The following SLCO1C1 variants were observed in gnomAD, a reference collection of about 807,000 sequenced individuals.
SLCO1C1 encodes the protein OAT-RP-5.
SLCO1C1 carries 70 observed loss-of-function variants against 76.4 expected under a neutral mutation model. That is an observed-to-expected ratio of 0.92 (90% CI 0.76 to 1.12). The LOEUF is 1.12. Among genes scored for constraint, SLCO1C1 ranks in the 50% most tolerant of loss-of-function variants. The pLI, the probability that SLCO1C1 is intolerant of heterozygous loss-of-function variation, is 0.00. For synonymous variants in SLCO1C1, 306 were observed against 286.1 expected, an observed-to-expected ratio of 1.07 and a Z score of -0.70; for missense variants, 912 against 823.8, an observed-to-expected ratio of 1.11 and a Z score of -1.31.
chr12:20,748,428 C>A (rs994288467), intron 13 of SLCO1C1, among the ~76,000 whole-genome samples: 1 of 152,112 alleles, frequency 6.6e-6, no homozygotes, highest in African/African-American at 2.4e-5. Flanking sequence ...CTCCCAAAGC[C>A]CTCAACTTGT....
chr12:20,749,326 T>G (rs1949185570), intron 13 of SLCO1C1, among the ~76,000 whole-genome samples: 1 of 152,168 alleles, frequency 6.6e-6, no homozygotes, highest in African/African-American at 2.4e-5. Context: ...ACGAGTGATG[T>G]AGGCAGAGAG....
intron 11 of SLCO1C1, among the ~76,000 whole-genome samples, chr12:20,739,119 AT>A (rs1003918018): frequency 2.6e-5 from 4 of 152,126 alleles, no homozygotes; most frequent in African/African-American, 9.7e-5. Context: ...CACCAGAATT[AT>A]TTTTTTCTCA....
intron 5 of SLCO1C1, 101 bp downstream of exon 5, chr12:20,711,611 G>C (rs1313656523): frequency 1.6e-6 from 2 of 1,257,914 alleles, no homozygotes; most frequent in African/African-American, 1.5e-5. Context: ...GCTCCCAAAA[G>C]CTTTACTACT....
At chr12:20,746,704 T>C (rs897570354) in intron 13 of SLCO1C1, among the ~76,000 whole-genome samples, 1 of 152,090 alleles carries the variant, frequency 6.6e-6, no homozygotes, top group Admixed American at 6.6e-5. Flanking sequence ...TCTAACAAGA[T>C]CTAACTACCA....
intron 13 of SLCO1C1, among the ~76,000 whole-genome samples, chr12:20,746,310 A>AT (rs1397901892): frequency 6.6e-6 from 1 of 152,180 alleles, no homozygotes; most frequent in Non-Finnish European, 1.5e-5. Flanking sequence ...AATTTGGAGA[A>AT]TATCAGGACA....
intron 11 of SLCO1C1, among the ~76,000 whole-genome samples, chr12:20,738,847 G>A (rs1245271780): frequency 6.6e-6 from 1 of 151,990 alleles, no homozygotes; most frequent in Non-Finnish European, 1.5e-5. Flanking sequence ...AGATACAAAG[G>A]ACTTGCTTAA....
intron 5 of SLCO1C1, 28 bp from the exon 6 acceptor site, chr12:20,715,111 C>T (rs370378623): frequency 8.7e-6 from 14 of 1,612,700 alleles, no homozygotes; most frequent in Non-Finnish European, 1.2e-5. Flanking sequence ...GATCTATTTT[C>T]AATCCTCTGG....
In SLCO1C1 at chr12:20,701,314, C is replaced by A; in HGVS notation, c.130-4C>A. On this transcript the variant is annotated splice_region_variant and splice_polypyrimidine_tract_variant and intron_variant, in intron 2 of 14. Coordinates refer to ENST00000266509, the MANE Select transcript of SLCO1C1 (RefSeq NM_017435.5). ...GACTAAGTGTGACCTGTCATATTTT[C>A]CAGGTGTTCTTGTGTGCCTTGTCTT... is the stretch of plus-strand genomic sequence containing the variant. 1.3e-6 allele frequency: 2 copies of A among 1,493,720 alleles called. No homozygotes were observed. The highest frequency in any genetic ancestry group is 1.8e-5 in the Admixed American group (1 of 54,230). 92.5% of individuals were successfully genotyped at this position (1,493,720 alleles called of 1,614,324 possible). A position where few individuals can be genotyped will look rare whatever the true frequency, so the allele number is the denominator to read the frequency against.
chr12:20,740,073 T>C, intron 11 of SLCO1C1, 111 bp from the exon 12 acceptor site: 2 of 1,051,814 alleles, frequency 1.9e-6, no homozygotes, highest in South Asian at 3.3e-5. Flanking sequence ...AAAAGAATAT[T>C]TCCTCATTGT....
chr12:20,704,698 G>A (rs185567154), intron 3 of SLCO1C1, among the ~76,000 whole-genome samples: 3 of 144,324 alleles, frequency 2.1e-5, no homozygotes, highest in Non-Finnish European at 3.0e-5. Flanking sequence ...GGCAATGTGC[G>A]TGAACAGTAG....
intron 9 of SLCO1C1, among the ~76,000 whole-genome samples, chr12:20,729,830 G>T (rs1181201748): frequency 6.6e-6 from 1 of 152,072 alleles, no homozygotes; most frequent in Non-Finnish European, 1.5e-5. Context: ...CAAATATCTT[G>T]TGTGGAAGGA....
At chr12:20,738,288 T>G (rs780151354) in intron 11 of SLCO1C1, among the ~76,000 whole-genome samples, 1 of 152,158 alleles carries the variant, frequency 6.6e-6, no homozygotes, top group African/African-American at 2.4e-5. Flanking sequence ...TCAGCACACC[T>G]TTCCATTCCT....
In SLCO1C1 at chr12:20,737,131, A is replaced by G; in HGVS notation, c.1407A>G (p.Glu469=). The change falls in exon 11 of 15, where the codon GAA becomes GAG. Residue 469 remains glutamate, a synonymous_variant. Coordinates refer to ENST00000266509, the MANE Select transcript of SLCO1C1 (RefSeq NM_017435.5). ...GAACCAAACCTGTCTCTTATCATGA[A>G]CGAGCTCTCTTTTCAGATTGCAACT... ...YQGTKPVSYH[E]RALFSDCNSR... The G allele has an allele frequency of 6.5e-7, 1 of 1,537,026 alleles. No homozygotes were observed. The highest frequency in any genetic ancestry group is 8.7e-7 in the Non-Finnish European group (1 of 1,150,384).
At chr12:20,743,103 A>G (rs560716256) in intron 12 of SLCO1C1, among the ~76,000 whole-genome samples, 122 of 152,330 alleles carry the variant, frequency 8.0e-4, no homozygotes, top group Non-Finnish European at 1.5e-3. Context: ...AATATTAATT[A>G]TAAACTTCTT....
At chr12:20,715,356 T>C (rs916169976) in intron 6 of SLCO1C1, 71 bp downstream of exon 6, 6 of 1,544,150 alleles carry the variant, frequency 3.9e-6, no homozygotes, top group Non-Finnish European at 3.5e-6. Flanking sequence ...TTCCCCTCTA[T>C]GCTAAATTAA....
intron 11 of SLCO1C1, among the ~76,000 whole-genome samples, chr12:20,738,108 A>G (rs998463762): frequency 3.9e-5 from 6 of 152,048 alleles, no homozygotes; most frequent in Non-Finnish European, 8.8e-5. Flanking sequence ...AATCACATTC[A>G]TGAGGGCTAC....
At chr12:20,743,271 A>G in intron 12 of SLCO1C1, 34 bp from the exon 13 acceptor site, 1 of 1,592,384 alleles carries the variant, frequency 6.3e-7, no homozygotes, top group East Asian at 2.2e-5. Flanking sequence ...AATGGATTAT[A>G]TATTTCTTGT....
rs966994519 is a variant in SLCO1C1 at position 20,713,059 on chromosome 12, A to G, written c.529+1549A>G. ...TGGCTTGTAGTTTCATCTGTATACA[A>G]TGTACGGCCAGGGAAGATGTTTTCT... On this transcript the variant is annotated intron_variant, in intron 5 of 14. Transcript: ENST00000266509. Among the ~76,000 whole-genome samples the G allele has an allele frequency of 1.6e-4, 24 of 150,822 alleles. No homozygotes were observed. In the Middle Eastern group the frequency reaches 0.01, roughly 65 times the overall value.
intron 14 of SLCO1C1, 176 bp downstream of exon 14, chr12:20,750,968 T>C: frequency 7.8e-7 from 1 of 1,285,924 alleles, no homozygotes; most frequent in Non-Finnish European, 1.1e-6. Context: ...ATTAGATCTT[T>C]GATTTTGTCC....
Sources: allele counts gnomAD v4.1 joint callset (sites outside exome capture counted in the v4.1 genomes callset), GRCh38; gene constraint gnomAD v4.1.1; transcripts MANE v1.5; gene names NCBI Gene and HGNC (gene_info 2026-07-23, HGNC 2026-07-21).